FAM120A: variants seen among roughly 807,000 people sequenced by gnomAD.
FAM120A encodes the protein family with sequence similarity 120 member A.
Under a neutral mutation model 109.7 loss-of-function variants are expected in FAM120A, and 15 were observed. That is an observed-to-expected ratio of 0.14 (90% CI 0.09 to 0.21). The LOEUF (loss-of-function observed/expected upper bound fraction) is 0.21. Ranked by LOEUF, FAM120A falls within the 10% of genes least tolerant of loss-of-function variation. The pLI is 1.00. For missense variants in FAM120A, 899 were observed against 1,439.3 expected, an observed-to-expected ratio of 0.62 and a Z score of 6.07; for synonymous variants, 493 against 572.8, an observed-to-expected ratio of 0.86 and a Z score of 1.99.
At chr9:93,534,898 A>G (rs1211281358) in intron 10 of FAM120A, among the ~76,000 whole-genome samples, 2 of 152,208 alleles carry the variant, frequency 1.3e-5, no homozygotes, top group Admixed American at 6.5e-5. Flanking sequence ...AAGGGAGTCA[A>G]CTAGCACTGA....
At chr9:93,487,866 T>G (rs757865456) in intron 3 of FAM120A, among the ~76,000 whole-genome samples, 3 of 152,228 alleles carry the variant, frequency 2.0e-5, no homozygotes, top group Non-Finnish European at 4.4e-5. Context: ...TGTCTGACTG[T>G]AGGCAGCCCC....
chr9:93,483,058 C>CT (rs936467260), intron 3 of FAM120A, among the ~76,000 whole-genome samples: 15 of 152,070 alleles, frequency 9.9e-5, no homozygotes, highest in African/African-American at 2.7e-4. Flanking sequence ...TTTCTGAAAT[C>CT]TTTTTTTAAA....
intron 2 of FAM120A, 84 bp downstream of exon 2, chr9:93,471,471 A>G (rs953951712): frequency 2.6e-6 from 4 of 1,523,862 alleles, no homozygotes; most frequent in African/African-American, 1.4e-5. Flanking sequence ...CTGTGCTTGA[A>G]TGTTTTGGAT....
At chr9:93,457,290 C>A (rs1384864860) in intron 1 of FAM120A, among the ~76,000 whole-genome samples, 5 of 152,106 alleles carry the variant, frequency 3.3e-5, no homozygotes, top group African/African-American at 1.2e-4. Context: ...TATGGTAATT[C>A]TGTTTTTCTT....
At chr9:93,461,351 G>A (rs1320467443) in intron 1 of FAM120A, among the ~76,000 whole-genome samples, 1 of 152,190 alleles carries the variant, frequency 6.6e-6, no homozygotes, top group Non-Finnish European at 1.5e-5. Flanking sequence ...AGCCCAGACT[G>A]TTGGAGGGGG....
At chr9:93,478,033 C>A (rs1858621908) in intron 3 of FAM120A, among the ~76,000 whole-genome samples, 1 of 152,166 alleles carries the variant, frequency 6.6e-6, no homozygotes, top group African/African-American at 2.4e-5. Context: ...AAGTAAGTTG[C>A]AGATATGACA....
rs1339093940 is a variant in FAM120A at position 93,452,244 on chromosome 9, A to G, written c.329A>G (p.Lys110Arg). Residue 110 changes from lysine to arginine, a missense_variant, in exon 1 of 18, where the codon AAG (lysine) becomes AGG (arginine). This residue lies in a region of FAM120A where 258 missense variants were observed against 451.4 expected (regional missense o/e 0.57). Transcript: ENST00000277165. This position sits in a 1 kb window ranked among gnomAD's most constrained non-coding sequence, Gnocchi z 7.0. Reference sequence around the variant, plus strand: ...AAGGCCCGGCTGCACGAGTGGGTCAAGCGGCAGGGCAACGAGCGCCAGACG... The same window carrying G: ...AAGGCCCGGCTGCACGAGTGGGTCAGGCGGCAGGGCAACGAGCGCCAGACG... Reference protein sequence around the residue: ...LEKARLHEWVKRQGNERQTAQ... With the variant: ...LEKARLHEWVRRQGNERQTAQ... 6.2e-7 allele frequency: 1 copy of G among 1,611,128 alleles called. No homozygotes were observed. The highest frequency in any genetic ancestry group is 1.3e-5 in the African/African-American group (1 of 75,000).
intron 4 of FAM120A, 50 bp downstream of exon 4, chr9:93,497,649 G>A (rs772723197): frequency 7.7e-6 from 12 of 1,567,136 alleles, no homozygotes; most frequent in African/African-American, 2.8e-5. Context: ...GGGATATGAC[G>A]TTGCATAGTG....
intron 3 of FAM120A, among the ~76,000 whole-genome samples, chr9:93,487,126 T>C (rs1370407057): frequency 6.6e-6 from 1 of 152,102 alleles, no homozygotes; most frequent in African/African-American, 2.4e-5. Flanking sequence ...ATTTTAAAAT[T>C]GGGTTATTTG....
chr9:93,496,170 T>C (rs1859568196), intron 3 of FAM120A, among the ~76,000 whole-genome samples: 1 of 152,208 alleles, frequency 6.6e-6, no homozygotes, highest in Admixed American at 6.5e-5. Flanking sequence ...ACTTAAGTCT[T>C]AAACCCCCTC....
At chr9:93,540,439 T>C (rs1207271121) in intron 10 of FAM120A, among the ~76,000 whole-genome samples, 2 of 152,358 alleles carry the variant, frequency 1.3e-5, no homozygotes, top group African/African-American at 2.4e-5. Flanking sequence ...TGCTTAGTGC[T>C]GTGAAAGAGG....
chr9:93,452,795 C>G lies in FAM120A; in HGVS notation c.474+406C>G, dbSNP rs1412404893. ...AATTTAGCCTGTTCTTTCCCAGCAA[C>G]AGGTTCATCTTGGAAGCAGGCAGGA... On this transcript the variant is annotated intron_variant, in intron 1 of 17. Transcript: ENST00000277165. This position sits in a 1 kb window ranked among gnomAD's most constrained non-coding sequence, Gnocchi z 7.0. 5.0e-6 allele frequency: 8 copies of G among 1,590,518 alleles called. No individual in the cohort carries two copies. The highest frequency in any genetic ancestry group is 1.1e-5 in the South Asian group (1 of 89,746).
intron 12 of FAM120A, among the ~76,000 whole-genome samples, chr9:93,555,162 C>T (rs952343880): frequency 1.1e-4 from 17 of 152,130 alleles, no homozygotes; most frequent in Non-Finnish European, 8.8e-5. Flanking sequence ...ATCACCCCAG[C>T]CCTACCTGCC....
At chr9:93,555,113 C>G (rs1257419137) in intron 12 of FAM120A, among the ~76,000 whole-genome samples, 1 of 152,184 alleles carries the variant, frequency 6.6e-6, no homozygotes, top group Non-Finnish European at 1.5e-5. Context: ...ACCTCTCTTC[C>G]TCCACTTTGC....
chr9:93,561,133 G>A lies in FAM120A; in HGVS notation c.2831G>A (p.Gly944Glu). 6.2e-7 allele frequency: 1 copy of A among 1,613,784 alleles called. No homozygotes were observed. Among genetic ancestry groups the A allele is most frequent in the Non-Finnish European group, 8.5e-7 (1 of 1,180,020 alleles). The part of the protein sequence containing the change: ...QGGVQPIPSQ[G>E]GKLEIAGTVV... The stretch of plus-strand genomic sequence containing the variant: ...GGAGTCCAACCTATACCTTCTCAGG[G>A]AGGCAAACTAGAAATAGCTGGCACT... The change falls in exon 16 of 18, where the codon GGA becomes GAA. Residue 944 changes from glycine (G) to glutamate (E), a missense_variant. Coordinates refer to ENST00000277165, the MANE Select transcript of FAM120A (RefSeq NM_014612.5).
At chr9:93,544,298 C>G (rs1861807174) in intron 11 of FAM120A, among the ~76,000 whole-genome samples, 1 of 152,206 alleles carries the variant, frequency 6.6e-6, no homozygotes, top group Admixed American at 6.5e-5. Context: ...TTTCCCTGCT[C>G]CAGCATCAGC....
intron 10 of FAM120A, among the ~76,000 whole-genome samples, chr9:93,537,229 C>T (rs891639663): frequency 1.3e-5 from 2 of 152,198 alleles, no homozygotes; most frequent in South Asian, 2.1e-4. Flanking sequence ...TTCAGGGTGC[C>T]TCTTGGTCGC....
At chr9:93,496,639 G>A (rs1157849718) in intron 3 of FAM120A, among the ~76,000 whole-genome samples, 2 of 152,160 alleles carry the variant, frequency 1.3e-5, no homozygotes, top group African/African-American at 4.8e-5. Context: ...GGGCTTGTCT[G>A]GGTAATCCAG....
rs987089508 is a variant in FAM120A, at chr9:93,565,908, GGT to G, written c.*1371_*1372del. ...TCATCACATTAGTGATCAGAAATGA[GGT>G]GTAATTCCCCAACCCCTGCCCGCAA... On this transcript the variant is annotated 3_prime_UTR_variant, in exon 18 of 18. Transcript: ENST00000277165. 6.6e-6 allele frequency: 1 copy of G among 152,574 alleles called. No homozygotes were observed. The highest frequency in any genetic ancestry group is 1.5e-5 in the Non-Finnish European group (1 of 68,034). 9.5% of individuals were successfully genotyped at this position (152,574 alleles called of 1,614,324 possible).
Sources: allele counts gnomAD v4.1 joint callset (sites outside exome capture counted in the v4.1 genomes callset), GRCh38; gene constraint gnomAD v4.1.1; regional missense constraint gnomAD v4.1.1; non-coding constraint Gnocchi (gnomAD v3.1); transcripts MANE v1.5; gene names NCBI Gene and HGNC (gene_info 2026-07-23, HGNC 2026-07-21).